LIG3: variants seen among roughly 807,000 people sequenced by gnomAD.
LIG3 encodes the protein DNA ligase 3.
LIG3 carries 58 observed loss-of-function variants against 110.9 expected under a neutral mutation model. The ratio of observed to expected loss-of-function variants is 0.52; its 90% CI spans 0.42 to 0.65. The LOEUF (loss-of-function observed/expected upper bound fraction) is 0.65. LIG3 is among the 30% of genes least tolerant of loss of function. LIG3 has a pLI of 0.00. For synonymous variants in LIG3, 422 were observed against 472.8 expected (o/e 0.89, Z 1.39); for missense variants, 1,094 against 1,273.8 (o/e 0.86, Z 2.15).
At chr17:35,003,271 T>A (rs1388487701) in intron 19 of LIG3, 1 of 1,062,622 alleles carries the variant, frequency 9.4e-7, no homozygotes, top group East Asian at 2.7e-5. Flanking sequence ...CATTTTCTTG[T>A]CAGTCTTGGG....
rs772177655 is a variant in LIG3 at position 34,983,112 on chromosome 17, G to A, written c.107G>A (p.Ser36Asn). The change falls in exon 2 of 20, where the codon AGC (serine) becomes AAC (asparagine). Residue 36 changes from serine to asparagine, a missense_variant. Transcript: ENST00000378526. ...CACTGGCGTGATGTAAGACAATTCAGCCAGTGGTCAGAAACAGATCTGCTT... is the reference window on the plus strand; with the variant it reads ...CACTGGCGTGATGTAAGACAATTCAACCAGTGGTCAGAAACAGATCTGCTT... ...KHHWRDVRQF[S>N]QWSETDLLHG... The A allele has an allele frequency of 1.2e-6, 2 of 1,614,168 alleles. No homozygotes were observed. Among genetic ancestry groups the A allele is most frequent in the East Asian group, 2.2e-5 (1 of 44,884 alleles).
chr17:34,991,501 C>A, intron 5 of LIG3, 170 bp from the exon 6 acceptor site: 1 of 671,442 alleles, frequency 1.5e-6, no homozygotes, highest in Non-Finnish European at 2.5e-6. Flanking sequence ...GTTTCCATCC[C>A]CTTCTAGGAA....
rs774670423 is a variant in LIG3, at chr17:34,994,334, C to G, written c.1514C>G (p.Ser505Cys). ...AMKKCPNGMF[S>C]EIKYDGERVQ... is the part of the protein sequence containing the mutation. ...AAGAAATGTCCCAATGGCATGTTCT[C>G]TGAGATCAAGTACGATGGAGAGCGA... Residue 505 changes from serine (S) to cysteine (C), a missense_variant, in exon 9 of 20, where the codon TCT (serine) becomes TGT (cysteine). Transcript: ENST00000378526. 5 of 1,614,156 alleles carry G rather than the reference C, an allele frequency of 3.1e-6. No homozygotes were observed. Among genetic ancestry groups the G allele is most frequent in the Non-Finnish European group, 4.2e-6 (5 of 1,180,008 alleles).
In LIG3 at chr17:34,983,238, A is replaced by G. The variant is rs868108751; in HGVS notation, c.233A>G (p.His78Arg). Residue 78 changes from histidine to arginine, a missense_variant, in exon 2 of 20, where the codon CAT (histidine) becomes CGT (arginine). His to Arg is a conservative substitution (Grantham distance 29). Coordinates refer to ENST00000378526, the MANE Select transcript of LIG3 (RefSeq NM_013975.4). ...ATYLVFLPGL[H>R]VGLCSGPCEM... ...TACCTTGTTTTCTTGCCAGGGTTGCATGTGGGACTCTGCAGTGGCCCCTGT... is the reference window on the plus strand; with the variant it reads ...TACCTTGTTTTCTTGCCAGGGTTGCGTGTGGGACTCTGCAGTGGCCCCTGT... 1.9e-6 allele frequency: 3 copies of G among 1,614,062 alleles called. No individual in the cohort carries two copies. The highest frequency in any genetic ancestry group is 4.5e-5 in the East Asian group (2 of 44,898).
At chr17:34,991,185 C>A in intron 5 of LIG3, 71 bp downstream of exon 5, 1 of 1,139,594 alleles carries the variant, frequency 8.8e-7, no homozygotes, top group Non-Finnish European at 1.2e-6. Context: ...CCTGCAGCCT[C>A]TTTTTTTTTT....
In LIG3 at chr17:34,983,165, A is replaced by G; in HGVS notation, c.160A>G (p.Lys54Glu). Residue 54 changes from lysine (K) to glutamate (E), a missense_variant, in exon 2 of 20, where the codon AAG becomes GAG. Lys to Glu is a moderately conservative substitution (Grantham distance 56). Transcript: ENST00000378526. The stretch of plus-strand genomic sequence containing the variant: ...TGGACATCCCCTCTTCCTGAGAAGA[A>G]AGCCTGTTCTATCATTCCAGGGAAG... The part of the protein sequence containing the change: ...LHGHPLFLRR[K>E]PVLSFQGSHL... 1 of 1,614,182 alleles carries G rather than the reference A, an allele frequency of 6.2e-7. No individual in the cohort carries two copies. Among genetic ancestry groups the G allele is most frequent in the South Asian group, 1.1e-5 (1 of 91,090 alleles).
chr17:34,985,323 C>A (rs2090644199), intron 2 of LIG3, among the ~76,000 whole-genome samples: 1 of 152,136 alleles, frequency 6.6e-6, no homozygotes, highest in African/African-American at 2.4e-5. Context: ...AGACAGTTAA[C>A]AATGGCTCTA....
At chr17:35,000,320 G>A (rs1353076595) in intron 16 of LIG3, among the ~76,000 whole-genome samples, 2 of 152,030 alleles carry the variant, frequency 1.3e-5, no homozygotes, top group Non-Finnish European at 1.5e-5. Flanking sequence ...GTGCAATAGC[G>A]GGATCTCAGC....
intron 17 of LIG3, 34 bp from the exon 18 acceptor site, chr17:35,001,875 T>C: frequency 6.3e-7 from 1 of 1,587,774 alleles, no homozygotes; most frequent in Non-Finnish European, 8.6e-7. Context: ...GGGAAGGCAA[T>C]GAAACCCTCT....
intron 1 of LIG3, 63 bp downstream of exon 1, chr17:34,980,685 G>T: frequency 2.1e-6 from 2 of 954,456 alleles, no homozygotes; most frequent in Non-Finnish European, 2.5e-6. Flanking sequence ...CAGCGGGCCC[G>T]GGGCGAGGAG....
intron 11 of LIG3, 50 bp downstream of exon 11, chr17:34,996,703 C>G: frequency 1.4e-6 from 2 of 1,479,290 alleles, no homozygotes; most frequent in Non-Finnish European, 1.9e-6. Context: ...AATCTGTTTT[C>G]ATTTCCTGGG....
Position 35,002,010 on chromosome 17 carries a change from C to T in LIG3, c.2580C>T (p.Pro860=). ...TGGSSEENKG[P]SGSAVSRKAP... is the part of the protein sequence containing the mutation. The stretch of plus-strand genomic sequence containing the variant: ...GTAGCAGTGAAGAGAATAAGGGTCC[C>T]TCAGGGTCTGCTGTGTCCCGCAAGG... The change falls in exon 18 of 20, where the codon CCC becomes CCT. Residue 860 remains proline, a synonymous_variant. Transcript: ENST00000378526. The T allele has an allele frequency of 6.2e-7, 1 of 1,612,816 alleles. No individual in the cohort carries two copies. The highest frequency in any genetic ancestry group is 2.2e-5 in the East Asian group (1 of 44,812).
intron 15 of LIG3, 92 bp from the exon 16 acceptor site, chr17:34,999,690 A>T: frequency 7.9e-7 from 1 of 1,265,486 alleles, no homozygotes; most frequent in Non-Finnish European, 1.2e-6. Context: ...TCAGCTGTTT[A>T]AGTGGCTTCT....
intron 10 of LIG3, 101 bp from the exon 11 acceptor site, chr17:34,996,473 A>ATCCGGTGCCTCAGGGGGCC: frequency 3.1e-6 from 3 of 982,608 alleles, no homozygotes; most frequent in Non-Finnish European, 4.8e-6. Flanking sequence ...GTACTTTTTC[A>ATCCGGTGCCTCAGGGGGCC]TCCGGTGCCT....
At chr17:34,997,409 A>G (rs866882818) in intron 11 of LIG3, 1 of 258,360 alleles carries the variant, frequency 3.9e-6, no homozygotes, top group Non-Finnish European at 7.9e-6. Context: ...TGCAGGGGAT[A>G]AAAAATGAGA....
At chr17:34,994,191 A>G (rs1390589470) in intron 8 of LIG3, 85 bp from the exon 9 acceptor site, 1 of 1,366,602 alleles carries the variant, frequency 7.3e-7, no homozygotes, top group Non-Finnish European at 1.0e-6. Context: ...AACTACCCTC[A>G]CTAACCCAGT....
chr17:34,991,068 G>A lies in LIG3; in HGVS notation c.995G>A (p.Arg332His), dbSNP rs1033455718. 4.3e-6 allele frequency: 7 copies of A among 1,614,096 alleles called. No homozygotes were observed. Among genetic ancestry groups the A allele is most frequent in the Admixed American group, 3.3e-5 (2 of 60,012 alleles). Residue 332 changes from arginine to histidine, a missense_variant, in exon 5 of 20, where the codon CGC (arginine) becomes CAC (histidine). Physicochemically the swap from Arg to His is conservative, Grantham distance 29. Coordinates refer to ENST00000378526, the MANE Select transcript of LIG3 (RefSeq NM_013975.4). ...AAGCAGATTGTGAAGCTTTTCAGTCGCATTTTTAACTGCAACCCAGATGAT... is the reference window on the plus strand; with the variant it reads ...AAGCAGATTGTGAAGCTTTTCAGTCACATTTTTAACTGCAACCCAGATGAT... ...NDKQIVKLFS[R>H]IFNCNPDDMA...
At chr17:34,991,884 C>CT in intron 6 of LIG3, 47 bp downstream of exon 6, 1 of 1,613,698 alleles carries the variant, frequency 6.2e-7, no homozygotes, top group South Asian at 1.1e-5. Context: ...GAGATGAACT[C>CT]TCTTGGGAAG....
Position 34,998,607 on chromosome 17 carries a change from A to G in LIG3, c.1993A>G (p.Thr665Ala), listed in dbSNP as rs2090805663. 1 of 1,613,962 alleles carries G rather than the reference A, an allele frequency of 6.2e-7. No individual in the cohort carries two copies. Among genetic ancestry groups the G allele is most frequent in the Non-Finnish European group, 8.5e-7 (1 of 1,179,962 alleles). The stretch of plus-strand genomic sequence containing the variant: ...TCTCTCTTTTGCTTCCCTTCAGGGT[A>G]CATATGAGCCTGGGAAGCGGCACTG... ...EGLVLKDVKG[T>A]YEPGKRHWLK... Residue 665 changes from threonine (T) to alanine (A), a missense_variant, in exon 14 of 20, where the codon ACA becomes GCA. Transcript: ENST00000378526.
Sources: allele counts gnomAD v4.1 joint callset (sites outside exome capture counted in the v4.1 genomes callset), GRCh38; gene constraint gnomAD v4.1.1; transcripts MANE v1.5; gene names NCBI Gene and HGNC (gene_info 2026-07-23, HGNC 2026-07-21).